Variants in ACTR3C observed in about 807,000 individuals in gnomAD.
ACTR3C encodes actin related protein 3C.
In ACTR3C, 18 loss-of-function variants were observed where a neutral mutation model predicts 26.3. That is an observed-to-expected ratio of 0.68 (90% CI 0.47 to 1.01). The LOEUF is 1.01. Among genes scored for constraint, ACTR3C ranks in the 50% least tolerant of loss-of-function variants. The pLI is 0.00. For synonymous variants in ACTR3C, 55 were observed against 94.5 expected (o/e 0.58, Z 2.42); for missense variants, 184 against 250.7 (o/e 0.73, Z 1.80).
At chr7:149,911,193 A>G in the ACTR3C span, among the ~76,000 whole-genome samples, 1 of 151,984 alleles carries the variant, frequency 6.6e-6, no homozygotes, top group African/African-American at 2.4e-5. Flanking sequence ...CTGGAATTAT[A>G]TTCCAGAAAA....
the ACTR3C span, among the ~76,000 whole-genome samples, chr7:150,227,701 G>GTTTTTTTTTTTTTTTTTTTT: frequency 1.1e-5 from 1 of 94,244 alleles, no homozygotes; most frequent in Non-Finnish European, 2.2e-5. Context: ...TTTTTTTTTT[G>GTTTTTTTTTTTTTTTTTTTT]TTTTTTTTTT....
At chr7:150,296,355 C>T (rs1434552821) in intron 1 of ACTR3C, among the ~76,000 whole-genome samples, 3 of 139,978 alleles carry the variant, frequency 2.1e-5, no homozygotes, top group Non-Finnish European at 4.5e-5. Flanking sequence ...TCCAAAAGAC[C>T]GAAAAAAAAA....
chr7:150,196,937 G>T, the ACTR3C span, among the ~76,000 whole-genome samples: 3 of 152,160 alleles, frequency 2.0e-5, no homozygotes, highest in Admixed American at 2.0e-4. Flanking sequence ...TGACTGCTGT[G>T]GTTCTGAGCC....
At chr7:150,322,946 C>A (rs1275008585) in intron 1 of ACTR3C, 1 of 152,446 alleles carries the variant, frequency 6.6e-6, no homozygotes, top group African/African-American at 2.4e-5. Flanking sequence ...CGGACGAGGT[C>A]CGGGTCGCAC....
the ACTR3C span, among the ~76,000 whole-genome samples, chr7:149,975,647 C>T: frequency 6.6e-6 from 1 of 152,152 alleles, no homozygotes; most frequent in Non-Finnish European, 1.5e-5. Flanking sequence ...ATACCTGATA[C>T]TGGTTAATTT....
chr7:149,986,205 T>C, the ACTR3C span, among the ~76,000 whole-genome samples: 1 of 152,134 alleles, frequency 6.6e-6, no homozygotes, highest in African/African-American at 2.4e-5. Flanking sequence ...TACACATCAG[T>C]TGGGGCTGGC....
At chr7:149,947,718 C>T in the ACTR3C span, among the ~76,000 whole-genome samples, 1 of 140,512 alleles carries the variant, frequency 7.1e-6, no homozygotes, top group African/African-American at 3.1e-5. Flanking sequence ...TGTTCCTTCA[C>T]TGTAAAGGCA....
At chr7:150,140,042 T>G in the ACTR3C span, among the ~76,000 whole-genome samples, 1 of 141,974 alleles carries the variant, frequency 7.0e-6, no homozygotes, top group Non-Finnish European at 1.5e-5. Flanking sequence ...ACATACACAC[T>G]CGCACACACA....
the ACTR3C span, among the ~76,000 whole-genome samples, chr7:150,234,283 CAGGA>C: frequency 6.6e-6 from 1 of 152,170 alleles, no homozygotes; most frequent in African/African-American, 2.4e-5. Context: ...TTACAAGGAA[CAGGA>C]AGGATATTGG....
At chr7:150,140,991 G>A in the ACTR3C span, among the ~76,000 whole-genome samples, 1 of 152,246 alleles carries the variant, frequency 6.6e-6, no homozygotes, top group African/African-American at 2.4e-5. Context: ...CTGGATAGAA[G>A]GTGAAACCAG....
At chr7:150,020,952 C>G in the ACTR3C span, among the ~76,000 whole-genome samples, 1 of 151,958 alleles carries the variant, frequency 6.6e-6, no homozygotes, top group Non-Finnish European at 1.5e-5. Flanking sequence ...TCCCGAGTAG[C>G]TGAGATTACA....
the ACTR3C span, among the ~76,000 whole-genome samples, chr7:149,931,370 C>G: frequency 4.6e-5 from 7 of 152,328 alleles, no homozygotes; most frequent in South Asian, 1.5e-3. Flanking sequence ...TTATGATGCA[C>G]AGTGCTCCCG....
chr7:150,252,785 T>C (rs1832944009), intron 6 of ACTR3C, among the ~76,000 whole-genome samples: 1 of 152,218 alleles, frequency 6.6e-6, no homozygotes, highest in Non-Finnish European at 1.5e-5. Flanking sequence ...AATAACATAC[T>C]GGGAATAGGA....
the ACTR3C span, among the ~76,000 whole-genome samples, chr7:150,205,622 C>T: frequency 1.6e-4 from 24 of 152,260 alleles, no homozygotes; most frequent in South Asian, 4.6e-3. Context: ...CATTCTGCTC[C>T]CCAAAGTATA....
At chr7:150,039,969 C>T in the ACTR3C span, among the ~76,000 whole-genome samples, 2 of 139,132 alleles carry the variant, frequency 1.4e-5, no homozygotes, top group African/African-American at 5.2e-5. Context: ...CAGTCCCCGC[C>T]TCGCGGGGAT....
downstream of ACTR3C, chr7:150,244,792 G>A (rs536522924): frequency 6.9e-5 from 11 of 158,420 alleles, no homozygotes; most frequent in East Asian, 1.6e-3. Context: ...TCATGGTGGT[G>A]GAAACCATGC....
chr7:150,214,956 C>T, the ACTR3C span, among the ~76,000 whole-genome samples: 5 of 151,774 alleles, frequency 3.3e-5, no homozygotes, highest in Admixed American at 6.6e-5. Flanking sequence ...AAAATACATC[C>T]TTTAAGGATG....
At chr7:149,890,971 A>G in the ACTR3C span, 5 of 279,756 alleles carry the variant, frequency 1.8e-5, no homozygotes, top group African/African-American at 1.1e-4. Context: ...CTAAAACAAC[A>G]GCCCTAGAGC....
At chr7:150,123,074 G>C in the ACTR3C span, among the ~76,000 whole-genome samples, 1 of 150,958 alleles carries the variant, frequency 6.6e-6, no homozygotes, top group African/African-American at 2.5e-5. Context: ...ATCACACACT[G>C]GGGTCTGTCG....
Sources: allele counts gnomAD v4.1 joint callset (sites outside exome capture counted in the v4.1 genomes callset), GRCh38; gene constraint gnomAD v4.1.1; transcripts MANE v1.5; gene names NCBI Gene and HGNC (gene_info 2026-07-23, HGNC 2026-07-21).